Variants in MED12L observed in about 807,000 individuals in gnomAD.
MED12L encodes mediator of RNA polymerase II transcription subunit 12-like protein.
MED12L carries 60 observed loss-of-function variants against 281.3 expected under a neutral mutation model. The observed-to-expected ratio is 0.21, with a 90% CI of 0.17 to 0.26. The LOEUF (loss-of-function observed/expected upper bound fraction) is 0.26, where lower values mean the gene tolerates loss of function less well. Among genes scored for constraint, MED12L ranks in the 10% least tolerant of loss-of-function variants. The pLI is 1.00. For synonymous variants in MED12L, 974 were observed against 987.2 expected, an observed-to-expected ratio of 0.99 and a Z score of 0.25; for missense variants, 2,146 against 2,680.9, an observed-to-expected ratio of 0.80 and a Z score of 4.41.
At chr3:151,279,443 A>G (rs1742447724) in intron 16 of MED12L, among the ~76,000 whole-genome samples, 1 of 152,188 alleles carries the variant, frequency 6.6e-6, no homozygotes, top group Non-Finnish European at 1.5e-5. Context: ...TATTTCCCTC[A>G]TGAAGAGTAT....
At chr3:151,225,715 T>G (rs1350359495) in intron 16 of MED12L, among the ~76,000 whole-genome samples, 2 of 152,180 alleles carry the variant, frequency 1.3e-5, no homozygotes, top group Non-Finnish European at 2.9e-5. Context: ...GAATCTCACT[T>G]TCTCCTTCAC....
intron 31 of MED12L, 89 bp from the exon 32 acceptor site, chr3:151,380,024 C>G (rs1245549851): frequency 3.8e-6 from 3 of 784,888 alleles, no homozygotes; most frequent in Non-Finnish European, 6.1e-6. Context: ...TCTTATTTAT[C>G]TAATAGTGAG....
At chr3:151,314,653 G>A (rs1747997845) in intron 16 of MED12L, among the ~76,000 whole-genome samples, 1 of 152,130 alleles carries the variant, frequency 6.6e-6, no homozygotes, top group African/African-American at 2.4e-5. Flanking sequence ...GCTGGCTAGG[G>A]GCAGAATTGG....
intron 16 of MED12L, chr3:151,199,164 A>C (rs752410524): frequency 6.2e-7 from 1 of 1,614,206 alleles, no homozygotes; most frequent in South Asian, 1.1e-5. Context: ...GCCACACCCA[A>C]GTCAACAACA....
At chr3:151,278,957 C>G (rs1378270001) in intron 16 of MED12L, among the ~76,000 whole-genome samples, 1 of 152,160 alleles carries the variant, frequency 6.6e-6, no homozygotes, top group Non-Finnish European at 1.5e-5. Flanking sequence ...CAGATAAACT[C>G]CTCGTGTGTT....
chr3:151,203,708 C>A (rs1725980798), intron 16 of MED12L, among the ~76,000 whole-genome samples: 1 of 151,734 alleles, frequency 6.6e-6, no homozygotes, highest in South Asian at 2.1e-4. Flanking sequence ...ATAGAAAAAT[C>A]TGGAAATAGA....
intron 16 of MED12L, among the ~76,000 whole-genome samples, chr3:151,208,763 A>G (rs60126737): frequency 6.6e-6 from 1 of 152,296 alleles, no homozygotes; most frequent in African/African-American, 2.4e-5. Context: ...CTTGGTGTTC[A>G]TTTGTGTCAG....
intron 3 of MED12L, among the ~76,000 whole-genome samples, chr3:151,122,468 T>A (rs1713904172): frequency 1.3e-5 from 2 of 152,206 alleles, no homozygotes; most frequent in Non-Finnish European, 2.9e-5. Context: ...AAAGAGCAGC[T>A]GAAGGATTAA....
In MED12L at chr3:151,385,157, A is replaced by G; in HGVS notation, c.5054A>G (p.Lys1685Arg). The G allele has an allele frequency of 6.3e-7, 1 of 1,594,240 alleles. No homozygotes were observed. Among genetic ancestry groups the G allele is most frequent in the Non-Finnish European group, 8.6e-7 (1 of 1,168,900 alleles). Residue 1685 changes from lysine (K) to arginine (R), a missense_variant, in exon 36 of 45, where the codon AAA becomes AGA. Lys to Arg is a conservative substitution (Grantham distance 26). This residue lies in a region of MED12L where 212 missense variants were observed against 340.8 expected (regional missense o/e 0.62). Transcript: ENST00000687756. ...TCCTTGATTGACACAAAAGGAAACAAAATTGCTGGATTTGACTCTATAGAT... is the reference window on the plus strand; with the variant it reads ...TCCTTGATTGACACAAAAGGAAACAGAATTGCTGGATTTGACTCTATAGAT... ...MGSLIDTKGN[K>R]IAGFDSIDKK...
chr3:151,143,257 A>G (rs1389934786), intron 5 of MED12L, among the ~76,000 whole-genome samples: 2 of 152,138 alleles, frequency 1.3e-5, no homozygotes, highest in Non-Finnish European at 2.9e-5. Context: ...TTTGTGTTCT[A>G]ATGAAAGACT....
At chr3:151,413,053 G>C in intron 41 of MED12L, 86 bp from the exon 42 acceptor site, 1 of 1,440,734 alleles carries the variant, frequency 6.9e-7, no homozygotes, top group Non-Finnish European at 9.4e-7. Flanking sequence ...TTGTTTCTTG[G>C]TTGGTGTATG....
chr3:151,341,402 A>ATT (rs574808205), intron 16 of MED12L, among the ~76,000 whole-genome samples: 1 of 151,098 alleles, frequency 6.6e-6, no homozygotes, highest in African/African-American at 2.4e-5. Context: ...AATATAAACA[A>ATT]TTTTTTTTTG....
At chr3:151,090,886 C>T (rs980764660) in intron 2 of MED12L, among the ~76,000 whole-genome samples, 7 of 152,014 alleles carry the variant, frequency 4.6e-5, no homozygotes, top group African/African-American at 1.7e-4. Context: ...CTAAAAAATA[C>T]AAAAATTAGC....
At chr3:151,432,499 C>T (rs1719647477) in intron 44 of MED12L, among the ~76,000 whole-genome samples, 1 of 152,194 alleles carries the variant, frequency 6.6e-6, no homozygotes, top group African/African-American at 2.4e-5. Context: ...CAGAGGGAGA[C>T]ACTCTGGATG....
chr3:151,353,924 G>A (rs559858826), intron 17 of MED12L, among the ~76,000 whole-genome samples: 15 of 151,848 alleles, frequency 9.9e-5, no homozygotes, highest in African/African-American at 3.4e-4. Flanking sequence ...GGCGGATCAC[G>A]AGGTCAGGAG....
chr3:151,209,214 C>T (rs532237737), intron 16 of MED12L, among the ~76,000 whole-genome samples: 53 of 152,294 alleles, frequency 3.5e-4, no homozygotes, highest in Non-Finnish European at 6.3e-4. Context: ...TCTATTGAAG[C>T]AGGGGGAGAT....
chr3:151,237,625 A>C (rs1306975951), intron 16 of MED12L, among the ~76,000 whole-genome samples: 3 of 152,100 alleles, frequency 2.0e-5, no homozygotes, highest in African/African-American at 7.2e-5. Context: ...TGCTGGGATT[A>C]CAGGTGTGAG....
intron 11 of MED12L, among the ~76,000 whole-genome samples, chr3:151,183,795 T>C (rs1722965240): frequency 6.6e-6 from 1 of 152,212 alleles, no homozygotes; most frequent in African/African-American, 2.4e-5. Flanking sequence ...TGTAGCACAT[T>C]TTAGTGTAAT....
chr3:151,137,527 T>C (rs1327142575), intron 5 of MED12L, among the ~76,000 whole-genome samples: 4 of 152,238 alleles, frequency 2.6e-5, no homozygotes, highest in African/African-American at 9.6e-5. Context: ...ACTGGGATGT[T>C]GTGTCTAGGC....
Sources: gnomAD v4.1 joint callset for allele counts (sites outside exome capture counted in the v4.1 genomes callset) on GRCh38, gnomAD v4.1.1 for gene constraint, gnomAD v4.1.1 regional missense constraint, MANE v1.5 for transcripts, NCBI Gene and HGNC (gene_info 2026-07-23, HGNC 2026-07-21) for gene names.